The following CHRNA9 variants were observed in gnomAD, a reference collection of about 807,000 sequenced individuals.
CHRNA9 encodes neuronal acetylcholine receptor subunit alpha-9.
CHRNA9 carries 24 observed loss-of-function variants against 36.8 expected under a neutral mutation model. That is an observed-to-expected ratio of 0.65 (90% confidence interval 0.47 to 0.92). CHRNA9 has a LOEUF of 0.92. CHRNA9 is among the 40% of genes least tolerant of loss of function. The probability of loss-of-function intolerance (pLI) is 0.00; values close to 1 mark genes in which losing one functional copy is unlikely to be tolerated. For missense variants in CHRNA9, 610 were observed against 601.2 expected (o/e 1.01, Z -0.15); for synonymous variants, 231 against 231.8 (o/e 1.00, Z 0.03).
chr4:40,342,156 G>A (rs1271639556), intron 3 of CHRNA9, among the ~76,000 whole-genome samples: 1 of 152,190 alleles, frequency 6.6e-6, no homozygotes, highest in Admixed American at 6.5e-5. Flanking sequence ...TTAGCTTTAA[G>A]GCCAGCTTAT....
chr4:40,352,355 G>A (rs949711462), intron 4 of CHRNA9, among the ~76,000 whole-genome samples: 1 of 152,236 alleles, frequency 6.6e-6, no homozygotes, highest in Admixed American at 6.5e-5. Context: ...CTGAGTAGCT[G>A]GGATTACAGG....
intron 4 of CHRNA9, among the ~76,000 whole-genome samples, chr4:40,352,627 T>C (rs1259195381): frequency 2.0e-5 from 3 of 149,932 alleles, no homozygotes; most frequent in African/African-American, 7.3e-5. Context: ...AGTGGTCTTA[T>C]CAAAAGTTTA....
Position 40,335,888 on chromosome 4 carries a change from T to G in CHRNA9, c.126T>G (p.Tyr42Ter). 1 of 1,612,500 alleles carries G rather than the reference T, an allele frequency of 6.2e-7. No individual in the cohort carries two copies. The highest frequency in any genetic ancestry group is 1.7e-5 in the Admixed American group (1 of 60,018). Residue 42 changes from tyrosine (Y) to a stop codon, truncating the protein, a stop_gained, in exon 2 of 5, where the codon TAT (tyrosine) becomes TAG (stop). Coordinates refer to ENST00000310169, the MANE Select transcript of CHRNA9 (RefSeq NM_017581.4). LOFTEE classifies it high-confidence loss of function. Reference protein sequence around the residue: ...QKLFNDLFEDYSNALRPVEDT... With the variant: ...QKLFNDLFED ...TGTTTAATGACCTTTTTGAAGATTA[T>G]TCTAATGCTCTTCGTCCAGTGGAAG... is the stretch of plus-strand genomic sequence containing the variant.
intron 3 of CHRNA9, among the ~76,000 whole-genome samples, chr4:40,337,640 G>A (rs1712366761): frequency 6.6e-6 from 1 of 152,168 alleles, no homozygotes; most frequent in African/African-American, 2.4e-5. Flanking sequence ...TGCCATAACA[G>A]AGTAGCACAG....
chr4:40,349,574 A>G (rs1333888355), intron 4 of CHRNA9, 160 bp downstream of exon 4: 3 of 648,880 alleles, frequency 4.6e-6, no homozygotes, highest in Non-Finnish European at 8.0e-6. Context: ...GCATCTTTCA[A>G]TATAGATGAG....
At position 40,349,127 on chromosome 4, in the gene CHRNA9, A is replaced by C; in HGVS notation, c.611A>C (p.Glu204Ala). The stretch of plus-strand genomic sequence containing the variant: ...GACTTCATTGAAGATGTGGAATGGG[A>C]GGTCCATGGCATGCCCGCTGTGAAG... ...LSDFIEDVEW[E>A]VHGMPAVKNV... Residue 204 changes from glutamate (E) to alanine (A), a missense_variant, in exon 4 of 5, where the codon GAG (glutamate) becomes GCG (alanine). Physicochemically the swap from Glu to Ala is moderately radical, Grantham distance 107. Transcript: ENST00000310169. The C allele has an allele frequency of 6.2e-7, 1 of 1,614,132 alleles. No homozygotes were observed. Among genetic ancestry groups the C allele is most frequent in the Non-Finnish European group, 8.5e-7 (1 of 1,180,018 alleles).
intron 3 of CHRNA9, among the ~76,000 whole-genome samples, chr4:40,347,400 A>G (rs1712666278): frequency 6.6e-6 from 1 of 152,214 alleles, no homozygotes; most frequent in Non-Finnish European, 1.5e-5. Context: ...AAAAACTGGA[A>G]CCAACCATAA....
intron 3 of CHRNA9, among the ~76,000 whole-genome samples, chr4:40,347,407 A>G (rs1489461677): frequency 6.6e-6 from 1 of 152,230 alleles, no homozygotes; most frequent in Non-Finnish European, 1.5e-5. Context: ...GGAACCAACC[A>G]TAATGTGAAG....
chr4:40,342,675 G>A (rs1030956760), intron 3 of CHRNA9, among the ~76,000 whole-genome samples: 1 of 152,160 alleles, frequency 6.6e-6, no homozygotes, highest in Non-Finnish European at 1.5e-5. Flanking sequence ...CAAAAAGCAG[G>A]AGTCAGGAAA....
chr4:40,335,951 G>A lies in CHRNA9; in HGVS notation c.189G>A (p.Thr63=), dbSNP rs55974552. The A allele has an allele frequency of 0.014, 22,593 of 1,612,528 alleles. 197 individuals are homozygous for A. Among genetic ancestry groups the A allele is most frequent in the Middle Eastern group, 0.053 (322 of 6,054 alleles). ...DKVLNVTLQI[T]LSQIKDMDER... ...TCCTGAATGTGACCCTGCAGATTAC[G>A]CTCTCTCAGATTAAGGATATGGTGA... Residue 63 remains threonine, a synonymous_variant, in exon 2 of 5, where the codon ACG becomes ACA. Transcript: ENST00000310169.
rs55660233 is a variant in CHRNA9, at chr4:40,349,442, C to A, written c.898+28C>A. The A allele has an allele frequency of 2.4e-4, 381 of 1,592,522 alleles. 3 individuals are homozygous for A. The highest frequency in any genetic ancestry group is 3.0e-4 in the Non-Finnish European group (355 of 1,167,668). On this transcript the variant is annotated intron_variant, in intron 4 of 4. Transcript: ENST00000310169. ...GAGTCCAAGTGTCTTCCACTTCAAG[C>A]CCAGCTTTGTAGTGCCTGGGGTCAT...
At chr4:40,336,723 G>A (rs567664038) in intron 2 of CHRNA9, among the ~76,000 whole-genome samples, 2 of 151,842 alleles carry the variant, frequency 1.3e-5, no homozygotes, top group African/African-American at 4.8e-5. Flanking sequence ...CTCATGATTC[G>A]CCCGCCTCGG....
chr4:40,349,388 C>T lies in CHRNA9; in HGVS notation c.872C>T (p.Pro291Leu), dbSNP rs766636295. 13 of 1,613,476 alleles carry T rather than the reference C, an allele frequency of 8.1e-6. No individual in the cohort carries two copies. The highest frequency in any genetic ancestry group is 6.6e-5 in the South Asian group (6 of 91,034). ...VFQLMVAEIM[P>L]ASENVPLIGK... ...CAGCTAATGGTGGCAGAAATCATGC[C>T]GGCCTCAGAAAATGTGCCCCTGATA... is the stretch of plus-strand genomic sequence containing the variant. The change falls in exon 4 of 5, where the codon CCG (proline) becomes CTG (leucine). Residue 291 changes from proline (P) to leucine (L), a missense_variant. Coordinates refer to ENST00000310169, the MANE Select transcript of CHRNA9 (RefSeq NM_017581.4).
chr4:40,340,973 CAAAA>C (rs543449903), intron 3 of CHRNA9, among the ~76,000 whole-genome samples: 1 of 64,968 alleles, frequency 1.5e-5, no homozygotes, highest in African/African-American at 4.4e-5. Flanking sequence ...ATAAGCTCTC[CAAAA>C]AAAAAAAAAA....
At chr4:40,353,490 CAA>C (rs201421126) in intron 4 of CHRNA9, among the ~76,000 whole-genome samples, 38 of 104,978 alleles carry the variant, frequency 3.6e-4, no homozygotes, top group East Asian at 5.1e-4. Context: ...GACTCTGTCT[CAA>C]AAAAAAAAAA....
rs1303359940 is a variant in CHRNA9 at position 40,335,368 on chromosome 4, G to T, written c.-100G>T. ...TGAGCTCTCCCGCCATAAGGCTGCA[G>T]CGGTGTGGGCTCCTTGTGCCCAGAT... On this transcript the variant is annotated 5_prime_UTR_variant, in exon 1 of 5. Transcript: ENST00000310169. 1.4e-5 allele frequency: 12 copies of T among 888,724 alleles called. No homozygotes were observed. In the African/African-American group the frequency reaches 1.8e-4, roughly 13 times the overall value. 55.1% of individuals were successfully genotyped at this position (888,724 alleles called of 1,614,324 possible).
intron 3 of CHRNA9, among the ~76,000 whole-genome samples, chr4:40,348,455 G>A (rs78599474): frequency 0.011 from 1,714 of 152,096 alleles, 23 homozygotes; most frequent in African/African-American, 0.039. Context: ...TTTTATAATA[G>A]CAATAAAGTT....
intron 3 of CHRNA9, among the ~76,000 whole-genome samples, chr4:40,343,222 G>A (rs4861307): frequency 0.45 from 68,015 of 152,036 alleles, 16,799 homozygotes; most frequent in East Asian, 0.82. Context: ...AGATACAGAA[G>A]AGGAGAGGGG....
chr4:40,340,473 C>G (rs974239328), intron 3 of CHRNA9, among the ~76,000 whole-genome samples: 16 of 152,122 alleles, frequency 1.1e-4, no homozygotes, highest in African/African-American at 3.9e-4. Flanking sequence ...GTTGCAGGAT[C>G]AGGCAAAGAA....
Sources: gnomAD v4.1 joint callset for allele counts (sites outside exome capture counted in the v4.1 genomes callset) on GRCh38, gnomAD v4.1.1 for gene constraint, MANE v1.5 for transcripts, NCBI Gene and HGNC (gene_info 2026-07-23, HGNC 2026-07-21) for gene names.